Variants in RSRC1 observed in about 807,000 individuals in gnomAD.
RSRC1 encodes serine/Arginine-related protein 53.
In RSRC1, 39 loss-of-function variants were observed where a neutral mutation model predicts 49.1. The ratio of observed to expected loss-of-function variants is 0.79; its 90% CI spans 0.61 to 1.04. The LOEUF (loss-of-function observed/expected upper bound fraction) is 1.04. Ranked by LOEUF, RSRC1 falls within the 50% of genes least tolerant of loss-of-function variation. The probability of loss-of-function intolerance (pLI) is 0.00; values close to 1 mark genes in which losing one functional copy is unlikely to be tolerated. For missense variants in RSRC1, 388 were observed against 402.4 expected (o/e 0.96, Z 0.31); for synonymous variants, 143 against 130.8 (o/e 1.09, Z -0.63).
At chr3:158,511,110 T>G (rs1740145942) in intron 7 of RSRC1, among the ~76,000 whole-genome samples, 1 of 151,206 alleles carries the variant, frequency 6.6e-6, no homozygotes, top group Admixed American at 6.6e-5. Flanking sequence ...ATTTGTTGGT[T>G]TTTTTTTTAT....
intron 4 of RSRC1, among the ~76,000 whole-genome samples, chr3:158,274,747 T>G (rs570694133): frequency 3.3e-5 from 5 of 152,308 alleles, no homozygotes; most frequent in African/African-American, 9.6e-5. Flanking sequence ...TCACTGAAAG[T>G]GGACACACAA....
At chr3:158,453,617 A>C (rs1045854478) in intron 6 of RSRC1, among the ~76,000 whole-genome samples, 1 of 151,934 alleles carries the variant, frequency 6.6e-6, no homozygotes, top group Non-Finnish European at 1.5e-5. Flanking sequence ...TCCTGGCCTC[A>C]ATTGATCCTC....
In RSRC1 at chr3:158,223,360, A is replaced by C. The variant is rs115626961; in HGVS notation, c.494+20115A>C. ...TTTTCTGTAAAGGGCCAGATTGTAA[A>C]TATTTTAGGCTTTTCAGGCTGAGAG... On this transcript the variant is annotated intron_variant, in intron 4 of 9. Transcript: ENST00000611884. Among the ~76,000 whole-genome samples the C allele has an allele frequency of 6.2e-3, 940 of 151,802 alleles. 8 individuals are homozygous for C. Among genetic ancestry groups the C allele is most frequent in the Admixed American group, 9.9e-3 (150 of 15,180 alleles).
chr3:158,476,014 CA>C (rs1326324009), intron 7 of RSRC1, among the ~76,000 whole-genome samples: 1 of 152,130 alleles, frequency 6.6e-6, no homozygotes, highest in Non-Finnish European at 1.5e-5. Context: ...CTCCAGTGAA[CA>C]TATGAATGAT....
intron 7 of RSRC1, among the ~76,000 whole-genome samples, chr3:158,516,887 G>C (rs916674308): frequency 2.0e-5 from 3 of 152,182 alleles, no homozygotes; most frequent in African/African-American, 7.2e-5. Context: ...CCCTTTCTTT[G>C]ACTAGGAAAC....
rs77413399 is a variant in RSRC1 at position 158,486,295 on chromosome 3, G to A, written c.652+25292G>A. Among the ~76,000 whole-genome samples the A allele has an allele frequency of 5.6e-3, 856 of 152,186 alleles. 24 individuals are homozygous for A. The East Asian group carries it at 0.08, about 14-fold the overall frequency. On this transcript the variant is annotated intron_variant, in intron 7 of 9. Coordinates refer to ENST00000611884, the MANE Select transcript of RSRC1 (RefSeq NM_001271838.2). ...TCTTACAGTTAATGGTTGTTCAAAGGGAGAGGTCATTATGGAAACTGGATC... is the reference window on the plus strand; with the variant it reads ...TCTTACAGTTAATGGTTGTTCAAAGAGAGAGGTCATTATGGAAACTGGATC...
intron 7 of RSRC1, among the ~76,000 whole-genome samples, chr3:158,525,282 G>A (rs910621428): frequency 6.6e-6 from 1 of 151,846 alleles, no homozygotes; most frequent in Non-Finnish European, 1.5e-5. Flanking sequence ...AGAAAGGATG[G>A]CCAATAATCT....
At chr3:158,528,628 G>C (rs1409120432) in intron 7 of RSRC1, among the ~76,000 whole-genome samples, 2 of 151,882 alleles carry the variant, frequency 1.3e-5, no homozygotes, top group Non-Finnish European at 2.9e-5. Flanking sequence ...TCCATCTACA[G>C]AATTTTAATT....
chr3:158,300,923 A>G (rs981393158), intron 5 of RSRC1, among the ~76,000 whole-genome samples: 3 of 152,140 alleles, frequency 2.0e-5, no homozygotes, highest in Non-Finnish European at 4.4e-5. Flanking sequence ...TTCTTGGTAT[A>G]TAGTTATATG....
At chr3:158,172,467 A>G (rs1389200857) in intron 3 of RSRC1, among the ~76,000 whole-genome samples, 1 of 152,208 alleles carries the variant, frequency 6.6e-6, no homozygotes, top group African/African-American at 2.4e-5. Context: ...TTATGAAGAT[A>G]CTTTTTTAAA....
intron 4 of RSRC1, among the ~76,000 whole-genome samples, chr3:158,214,121 A>T (rs190751662): frequency 1.8e-4 from 27 of 152,050 alleles, no homozygotes; most frequent in Admixed American, 7.2e-4. Flanking sequence ...TCTAGAGATG[A>T]TCTAAAGTAT....
intron 7 of RSRC1, chr3:158,496,824 G>A: frequency 4.7e-6 from 1 of 214,296 alleles, no homozygotes; most frequent in Non-Finnish European, 1.0e-5. Context: ...GCCTCAGAGA[G>A]GGAAAACCCT....
At chr3:158,225,116 A>G (rs555842333) in intron 4 of RSRC1, among the ~76,000 whole-genome samples, 4 of 151,890 alleles carry the variant, frequency 2.6e-5, no homozygotes, top group Non-Finnish European at 5.9e-5. Context: ...TACAAAAAAT[A>G]TTTTTTACAG....
At chr3:158,239,686 C>T (rs560497505) in intron 4 of RSRC1, among the ~76,000 whole-genome samples, 1 of 151,978 alleles carries the variant, frequency 6.6e-6, no homozygotes, top group South Asian at 2.1e-4. Context: ...AACAAACCTG[C>T]ATATTGTGCA....
chr3:158,266,952 C>G (rs1031141113), intron 4 of RSRC1, among the ~76,000 whole-genome samples: 1 of 152,048 alleles, frequency 6.6e-6, no homozygotes, highest in African/African-American at 2.4e-5. Flanking sequence ...TTTGTAGAGA[C>G]ACTGTTTCGC....
intron 3 of RSRC1, among the ~76,000 whole-genome samples, chr3:158,144,880 G>C (rs1405635913): frequency 6.6e-6 from 1 of 152,148 alleles, no homozygotes; most frequent in Admixed American, 6.5e-5. Context: ...TTTCTCTGAT[G>C]GCCAGTGATG....
intron 4 of RSRC1, among the ~76,000 whole-genome samples, chr3:158,205,930 G>C (rs779528695): frequency 3.9e-5 from 6 of 152,158 alleles, no homozygotes; most frequent in Non-Finnish European, 8.8e-5. Flanking sequence ...GCTGCAAGTT[G>C]GAGAAGATTG....
At chr3:158,288,136 A>G (rs1355112772) in intron 4 of RSRC1, among the ~76,000 whole-genome samples, 2 of 152,208 alleles carry the variant, frequency 1.3e-5, no homozygotes, top group African/African-American at 4.8e-5. Flanking sequence ...ACCTTTTAAT[A>G]CATCTTCTCT....
chr3:158,459,824 A>G (rs1578507052), intron 6 of RSRC1, among the ~76,000 whole-genome samples: 1 of 152,014 alleles, frequency 6.6e-6, no homozygotes, highest in East Asian at 1.9e-4. Flanking sequence ...GTACTTCATA[A>G]CACCATTATA....
Sources: gnomAD v4.1 joint callset for allele counts (sites outside exome capture counted in the v4.1 genomes callset) on GRCh38, gnomAD v4.1.1 for gene constraint, MANE v1.5 for transcripts, NCBI Gene and HGNC (gene_info 2026-07-23, HGNC 2026-07-21) for gene names.